The following DLGAP1 variants were observed in gnomAD, a reference collection of about 807,000 sequenced individuals.
DLGAP1 encodes disks large-associated protein 1.
DLGAP1 carries 11 observed loss-of-function variants against 90.8 expected under a neutral mutation model. The ratio of observed to expected loss-of-function variants is 0.12; its 90% CI spans 0.08 to 0.20. The LOEUF (loss-of-function observed/expected upper bound fraction) is 0.20, where lower values mean the gene tolerates loss of function less well. DLGAP1 is among the 10% of genes least tolerant of loss of function. The probability of loss-of-function intolerance (pLI) is 1.00; values close to 1 mark genes in which losing one functional copy is unlikely to be tolerated. For missense variants in DLGAP1, 1,050 were observed against 1,333.8 expected (o/e 0.79, Z 3.31); for synonymous variants, 558 against 540.7 (o/e 1.03, Z -0.44).
intron 4 of DLGAP1, among the ~76,000 whole-genome samples, chr18:3,852,574 A>C (rs960963790): frequency 1.3e-5 from 2 of 152,214 alleles, no homozygotes; most frequent in South Asian, 4.1e-4. Context: ...AAATGTCGGC[A>C]AAAGAACCTG....
chr18:3,949,646 C>G (rs531979233), intron 3 of DLGAP1, among the ~76,000 whole-genome samples: 16 of 152,316 alleles, frequency 1.1e-4, no homozygotes, highest in African/African-American at 3.6e-4. Context: ...GCAGGACATC[C>G]TCTCTGAGTT....
At chr18:3,675,727 A>G (rs373547742) in intron 7 of DLGAP1, among the ~76,000 whole-genome samples, 1 of 152,198 alleles carries the variant, frequency 6.6e-6, no homozygotes, top group Non-Finnish European at 1.5e-5. Context: ...GCTTTCCATT[A>G]AGGCCTTTGC....
At chr18:3,881,425 C>G (rs1397637693) in intron 3 of DLGAP1, among the ~76,000 whole-genome samples, 1 of 152,160 alleles carries the variant, frequency 6.6e-6, no homozygotes, top group African/African-American at 2.4e-5. Context: ...GAATTAGTTC[C>G]TCTCTTGTGT....
chr18:4,416,846 G>C (rs2082911619), intron 1 of DLGAP1, among the ~76,000 whole-genome samples: 1 of 152,164 alleles, frequency 6.6e-6, no homozygotes, highest in South Asian at 2.1e-4. Context: ...CACAAGTTCA[G>C]ACACTGACTA....
chr18:3,772,342 CTCTCTCTT>C (rs201278808), intron 5 of DLGAP1, among the ~76,000 whole-genome samples: 1,409 of 80,990 alleles, frequency 0.017, 56 homozygotes, highest in East Asian at 0.046. Context: ...TTCTCTCTCT[CTCTCTCTT>C]TCTTTCTTTC....
At chr18:3,547,207 A>G (rs1381659295) in intron 9 of DLGAP1, among the ~76,000 whole-genome samples, 7 of 149,874 alleles carry the variant, frequency 4.7e-5, no homozygotes, top group Admixed American at 2.7e-4. Context: ...AGGCTGAGGC[A>G]GGAGAATGGC....
chr18:3,543,336 A>AT (rs1229908491), intron 9 of DLGAP1, among the ~76,000 whole-genome samples: 2 of 151,800 alleles, frequency 1.3e-5, no homozygotes, highest in South Asian at 2.1e-4. Flanking sequence ...ACGCCTGGCT[A>AT]TTTTTTTGTA....
chr18:3,878,993 G>T, intron 4 of DLGAP1, 119 bp downstream of exon 4: 2 of 818,846 alleles, frequency 2.4e-6, no homozygotes, highest in Non-Finnish European at 3.5e-6. Flanking sequence ...CGAATAATTT[G>T]CACAGGTTCC....
At chr18:4,127,015 T>G (rs1271322932) in intron 2 of DLGAP1, among the ~76,000 whole-genome samples, 2 of 152,198 alleles carry the variant, frequency 1.3e-5, no homozygotes, top group African/African-American at 2.4e-5. Flanking sequence ...AAGATCAGAT[T>G]TGCATAATCA....
At chr18:4,356,767 T>C (rs899765061) in intron 1 of DLGAP1, among the ~76,000 whole-genome samples, 1 of 152,194 alleles carries the variant, frequency 6.6e-6, no homozygotes, top group Non-Finnish European at 1.5e-5. Context: ...GAGCATGACA[T>C]TCCTCTGCCC....
intron 4 of DLGAP1, among the ~76,000 whole-genome samples, chr18:3,820,479 T>C (rs1462190476): frequency 1.3e-5 from 2 of 152,186 alleles, no homozygotes; most frequent in African/African-American, 2.4e-5. Context: ...AGCAATTGAA[T>C]GGTGGGCATG....
Position 4,411,368 on chromosome 18 carries a change from A to G in DLGAP1, c.-267+43638T>C, listed in dbSNP as rs192198118. ...TTAATGGCAGAAAATACACTGGAGG[A>G]TACAACATCATGGCTGTTTGCAAGG... On this transcript the variant is annotated intron_variant, in intron 1 of 12. Transcript: ENST00000315677. Among the ~76,000 whole-genome samples the G allele has an allele frequency of 6.6e-5, 10 of 152,342 alleles. No homozygotes were observed. The East Asian group carries it at 1.9e-3, about 29-fold the overall frequency.
chr18:4,139,288 C>T (rs372031852), intron 2 of DLGAP1, among the ~76,000 whole-genome samples: 15 of 151,848 alleles, frequency 9.9e-5, no homozygotes, highest in South Asian at 2.1e-4. Flanking sequence ...GCGCTGCTTT[C>T]GCTGTATCAC....
intron 5 of DLGAP1, chr18:3,771,460 C>G (rs62083251): frequency 6.6e-6 from 1 of 152,242 alleles, no homozygotes; most frequent in Non-Finnish European, 1.5e-5. Flanking sequence ...CCCGGAGACG[C>G]GCTCGGCCCG....
chr18:4,357,101 G>A (rs1443472546), intron 1 of DLGAP1, among the ~76,000 whole-genome samples: 1 of 150,702 alleles, frequency 6.6e-6, no homozygotes, highest in African/African-American at 2.4e-5. Context: ...GTGTGTGTGT[G>A]TGTGTGTGTG....
At chr18:3,902,122 C>A (rs73940258) in intron 3 of DLGAP1, among the ~76,000 whole-genome samples, 1,551 of 152,280 alleles carry the variant, frequency 0.01, 28 homozygotes, top group African/African-American at 0.035. Flanking sequence ...CTCTTTTAAT[C>A]CTTTTAGTTC....
intron 3 of DLGAP1, among the ~76,000 whole-genome samples, chr18:3,924,258 C>T (rs1045435186): frequency 3.3e-5 from 5 of 152,306 alleles, no homozygotes; most frequent in South Asian, 2.1e-4. Flanking sequence ...CATATACCCT[C>T]CTCAATCAGT....
chr18:4,081,739 G>A (rs906807634), intron 2 of DLGAP1, among the ~76,000 whole-genome samples: 1 of 152,186 alleles, frequency 6.6e-6, no homozygotes, highest in Non-Finnish European at 1.5e-5. Flanking sequence ...CTTCTGTTTT[G>A]GTCCCATTTG....
At chr18:4,334,569 G>T (rs1454248666) in intron 1 of DLGAP1, among the ~76,000 whole-genome samples, 1 of 151,896 alleles carries the variant, frequency 6.6e-6, no homozygotes, top group Admixed American at 6.5e-5. Context: ...CTGAGTTTAG[G>T]GATGGGTCAT....
Sources: gnomAD v4.1 joint callset for allele counts (sites outside exome capture counted in the v4.1 genomes callset) on GRCh38, gnomAD v4.1.1 for gene constraint, MANE v1.5 for transcripts, NCBI Gene and HGNC (gene_info 2026-07-23, HGNC 2026-07-21) for gene names.